The following SCLT1 variants were observed in gnomAD, a reference collection of about 807,000 sequenced individuals.
SCLT1 encodes the protein sodium channel and clathrin linker 1, also known as sodium channel-associated protein 1.
A neutral mutation model predicts 112.8 loss-of-function variants in SCLT1; 78 were observed. The observed-to-expected ratio is 0.69, with a 90% CI of 0.58 to 0.83. The LOEUF is 0.83. Among genes scored for constraint, SCLT1 ranks in the 40% least tolerant of loss-of-function variants. The pLI, the probability that SCLT1 is intolerant of heterozygous loss-of-function variation, is 0.00. For synonymous variants in SCLT1, 257 were observed against 254.7 expected (o/e 1.01, Z -0.09); for missense variants, 747 against 770.4 (o/e 0.97, Z 0.36).
intron 5 of SCLT1, among the ~76,000 whole-genome samples, chr4:129,022,456 CT>C (rs1400488469): frequency 2.0e-5 from 3 of 152,174 alleles, no homozygotes; most frequent in African/African-American, 7.2e-5. Context: ...ACATAAATGA[CT>C]TGATGGAGCT....
chr4:129,092,045 T>C (rs1016076810), intron 1 of SCLT1, among the ~76,000 whole-genome samples: 4 of 152,234 alleles, frequency 2.6e-5, no homozygotes, highest in African/African-American at 9.6e-5. Context: ...ACTTCTTACC[T>C]GAATGATGAC....
At chr4:129,021,923 G>A (rs1237116251) in intron 5 of SCLT1, among the ~76,000 whole-genome samples, 1 of 152,198 alleles carries the variant, frequency 6.6e-6, no homozygotes. Context: ...GAGAGCTCCA[G>A]CTGGCATCAG....
chr4:128,930,474 A>C (rs1268359250), intron 18 of SCLT1, among the ~76,000 whole-genome samples: 1 of 152,236 alleles, frequency 6.6e-6, no homozygotes, highest in East Asian at 1.9e-4. Flanking sequence ...ATTATAAAAT[A>C]ATAAATGTTT....
chr4:128,881,636 T>C (rs997438013), downstream of SCLT1, among the ~76,000 whole-genome samples: 6 of 152,198 alleles, frequency 3.9e-5, no homozygotes, highest in Non-Finnish European at 8.8e-5. Flanking sequence ...AGCTGTGTTG[T>C]CCTCAATTGC....
downstream of SCLT1, among the ~76,000 whole-genome samples, chr4:128,883,020 C>G (rs573691691): frequency 4.0e-5 from 6 of 151,710 alleles, no homozygotes; most frequent in African/African-American, 1.4e-4. Flanking sequence ...GTGGCGGGTG[C>G]CTGTAATCCC....
chr4:129,019,414 C>A (rs1263976231), intron 5 of SCLT1, among the ~76,000 whole-genome samples: 1 of 152,110 alleles, frequency 6.6e-6, no homozygotes, highest in Non-Finnish European at 1.5e-5. Context: ...TGCCTATTAA[C>A]CTTTGACAAG....
intron 11 of SCLT1, among the ~76,000 whole-genome samples, chr4:128,964,500 T>A (rs530534631): frequency 6.6e-6 from 1 of 152,230 alleles, no homozygotes; most frequent in African/African-American, 2.4e-5. Context: ...GAATTGATGA[T>A]CAAGCTTCAG....
At chr4:129,034,221 CA>C (rs1746988405) in intron 5 of SCLT1, among the ~76,000 whole-genome samples, 1 of 151,770 alleles carries the variant, frequency 6.6e-6, no homozygotes, top group African/African-American at 2.4e-5. Context: ...TCCCAAATTT[CA>C]AATAGATAAT....
chr4:128,897,291 C>T (rs1733849424), intron 18 of SCLT1, among the ~76,000 whole-genome samples: 1 of 152,036 alleles, frequency 6.6e-6, no homozygotes, highest in Non-Finnish European at 1.5e-5. Context: ...GGGTTACCCA[C>T]AAAGGGAAGC....
chr4:129,018,904 A>G (rs753718000), intron 5 of SCLT1, among the ~76,000 whole-genome samples: 69 of 152,288 alleles, frequency 4.5e-4, no homozygotes, highest in Middle Eastern at 3.4e-3. Flanking sequence ...AGTGTTGACT[A>G]TTTTGCTGGA....
At chr4:128,899,113 C>T (rs1233001247) in intron 18 of SCLT1, among the ~76,000 whole-genome samples, 2 of 152,168 alleles carry the variant, frequency 1.3e-5, no homozygotes, top group Non-Finnish European at 2.9e-5. Flanking sequence ...GAGCTGGTAC[C>T]ATTCCTTCTG....
At position 128,952,661 on chromosome 4, in the gene SCLT1, G is replaced by A. The variant is rs148178703; in HGVS notation, c.1218+108C>T. ...CACTTTTTTCTTAGCACCTAGCCAG[G>A]GCTTGGTTTAATAAGTATCTTTTGA... On this transcript the variant is annotated intron_variant, in intron 14 of 20. Transcript: ENST00000281142. The A allele has an allele frequency of 2.6e-4, 195 of 747,260 alleles. 2 individuals are homozygous for A. The African/African-American group carries it at 3.2e-3, about 12-fold the overall frequency. 46.3% of individuals were successfully genotyped at this position (747,260 alleles called of 1,614,324 possible). A position where few individuals can be genotyped will look rare whatever the true frequency, so the allele number is the denominator to read the frequency against.
At chr4:129,082,423 C>T (rs775220283) in intron 1 of SCLT1, 50 bp from the exon 2 acceptor site, 2 of 1,125,586 alleles carry the variant, frequency 1.8e-6, no homozygotes, top group South Asian at 2.8e-5. Flanking sequence ...ATGGTCAATT[C>T]TTTAAAACTA....
chr4:128,959,601 T>C lies in SCLT1; in HGVS notation c.1046A>G (p.Gln349Arg), dbSNP rs747402480. The C allele has an allele frequency of 3.7e-6, 6 of 1,611,330 alleles. No homozygotes were observed. In the South Asian group the frequency reaches 5.5e-5, roughly 15 times the overall value. Residue 349 changes from glutamine to arginine, a missense_variant and splice_region_variant, in exon 12 of 21, where the codon CAG becomes CGG. This residue lies in a region of SCLT1 where 723 missense variants were observed against 721.3 expected (regional missense o/e 1.00). Transcript: ENST00000281142. Reference protein sequence around the residue: ...LLEEANLQKSQALLEEKQKEE... With the variant: ...LLEEANLQKSRALLEEKQKEE... ...AAACATATTTACTAGCTTTCTTACC[T>C]GACTTTTTTGAAGGTTAGCTTCTTC...
intron 20 of SCLT1, among the ~76,000 whole-genome samples, chr4:128,885,746 C>T (rs548200236): frequency 3.9e-5 from 6 of 152,330 alleles, no homozygotes; most frequent in Non-Finnish European, 7.3e-5. Context: ...GCTCCGGAGA[C>T]TGTACCAACA....
At chr4:129,018,691 A>T (rs1745196326) in intron 5 of SCLT1, among the ~76,000 whole-genome samples, 1 of 152,212 alleles carries the variant, frequency 6.6e-6, no homozygotes, top group Admixed American at 6.5e-5. Context: ...CCTTGGCATT[A>T]TACCAAATAA....
At position 129,061,992 on chromosome 4, in the gene SCLT1, G is replaced by A. The variant is rs182238355; in HGVS notation, c.103-17941C>T. Among the ~76,000 whole-genome samples, 1,189 of 151,728 alleles carry A rather than the reference G, an allele frequency of 7.8e-3. 12 individuals are homozygous for A. Among genetic ancestry groups the A allele is most frequent in the African/African-American group, 0.027 (1,118 of 41,392 alleles). Reference sequence around the variant, plus strand: ...GAGGATTGCAGGGGACCCCAGTGGCGAGGTCTGTAGGAGTTAATGCAGGCT... The same window carrying A: ...GAGGATTGCAGGGGACCCCAGTGGCAAGGTCTGTAGGAGTTAATGCAGGCT... On this transcript the variant is annotated intron_variant, in intron 2 of 20. Transcript: ENST00000281142.
chr4:129,014,491 T>C (rs1158248751), intron 5 of SCLT1, among the ~76,000 whole-genome samples: 1 of 152,188 alleles, frequency 6.6e-6, no homozygotes, highest in Non-Finnish European at 1.5e-5. Context: ...TTTGTTCTCT[T>C]TTATCCTATT....
At position 128,952,800 on chromosome 4, in the gene SCLT1, C is replaced by T. The variant is rs904186727; in HGVS notation, c.1187G>A (p.Arg396Gln). ...TKKQCNIQISRLTEELSALQM... is the reference protein window; with the variant it reads ...TKKQCNIQISQLTEELSALQM... The stretch of plus-strand genomic sequence containing the variant: ...AAGGGCTGAAAGTTCTTCTGTTAAT[C>T]GAGAAATTTGTATATTACATTGTTT... The change falls in exon 14 of 21, where the codon CGA becomes CAA. Residue 396 changes from arginine to glutamine, a missense_variant. Arg to Gln is a conservative substitution (Grantham distance 43). This residue lies in a region of SCLT1 where 723 missense variants were observed against 721.3 expected (regional missense o/e 1.00). Transcript: ENST00000281142. 12 of 1,567,650 alleles carry T rather than the reference C, an allele frequency of 7.7e-6. No individual in the cohort carries two copies. Among genetic ancestry groups the T allele is most frequent in the African/African-American group, 2.7e-5 (2 of 74,028 alleles).
Sources: gnomAD v4.1 joint callset for allele counts (sites outside exome capture counted in the v4.1 genomes callset) on GRCh38, gnomAD v4.1.1 for gene constraint, gnomAD v4.1.1 regional missense constraint, MANE v1.5 for transcripts, NCBI Gene and HGNC (gene_info 2026-07-23, HGNC 2026-07-21) for gene names.